CTNNA3: variants seen among roughly 807,000 people sequenced by gnomAD.
The protein encoded by CTNNA3 is catenin alpha-3.
Under a neutral mutation model 95.7 loss-of-function variants are expected in CTNNA3, and 76 were observed. That is an observed-to-expected ratio of 0.79 (90% CI 0.66 to 0.96). The LOEUF (loss-of-function observed/expected upper bound fraction) is 0.96, where lower values mean the gene tolerates loss of function less well. CTNNA3 is among the 40% of genes least tolerant of loss of function. CTNNA3 has a pLI of 0.00. For synonymous variants in CTNNA3, 431 were observed against 374.4 expected, an observed-to-expected ratio of 1.15 and a Z score of -1.74; for missense variants, 1,191 against 1,089.8, an observed-to-expected ratio of 1.09 and a Z score of -1.31.
intron 11 of CTNNA3, among the ~76,000 whole-genome samples, chr10:66,486,989 T>TA: frequency 6.6e-6 from 1 of 152,182 alleles, no homozygotes; most frequent in Non-Finnish European, 1.5e-5. Context: ...ACATGGAATC[T>TA]AAAAAAGTCT....
intron 7 of CTNNA3, among the ~76,000 whole-genome samples, chr10:67,107,639 A>C (rs1858713786): frequency 6.6e-6 from 1 of 152,252 alleles, no homozygotes. Flanking sequence ...AAGAGTAAAA[A>C]TAAAAATCAT....
chr10:65,920,956 G>C (rs573095622), intron 17 of CTNNA3, among the ~76,000 whole-genome samples: 1 of 152,286 alleles, frequency 6.6e-6, no homozygotes, highest in South Asian at 2.1e-4. Context: ...TATCTAGATG[G>C]ATAAGTGATT....
intron 7 of CTNNA3, among the ~76,000 whole-genome samples, chr10:67,127,621 A>G (rs1301856038): frequency 6.6e-6 from 1 of 152,208 alleles, no homozygotes; most frequent in African/African-American, 2.4e-5. Context: ...CATCTGAGTC[A>G]TAACATTGAG....
intron 7 of CTNNA3, among the ~76,000 whole-genome samples, chr10:66,925,232 T>C (rs1467478850): frequency 6.6e-6 from 1 of 152,198 alleles, no homozygotes; most frequent in Non-Finnish European, 1.5e-5. Context: ...GTCTGTTTCC[T>C]CATCTTTAAA....
chr10:66,706,895 T>C (rs559967851), intron 9 of CTNNA3, among the ~76,000 whole-genome samples: 2 of 152,072 alleles, frequency 1.3e-5, no homozygotes, highest in African/African-American at 4.8e-5. Context: ...GTGTGAAATT[T>C]GTAGGAAGGA....
At chr10:66,266,827 A>G (rs893671114) in intron 13 of CTNNA3, among the ~76,000 whole-genome samples, 2 of 152,166 alleles carry the variant, frequency 1.3e-5, no homozygotes, top group Admixed American at 1.3e-4. Context: ...TATTACCTGT[A>G]TCACTCTTCT....
intron 14 of CTNNA3, among the ~76,000 whole-genome samples, chr10:66,077,452 C>T (rs564441864): frequency 2.6e-4 from 39 of 151,890 alleles, no homozygotes; most frequent in Non-Finnish European, 4.0e-4. Flanking sequence ...CACCACTTTT[C>T]GGACTTTCCT....
intron 7 of CTNNA3, among the ~76,000 whole-genome samples, chr10:66,898,628 G>A (rs991532637): frequency 3.3e-5 from 5 of 152,138 alleles, no homozygotes; most frequent in African/African-American, 1.2e-4. Flanking sequence ...TGAGGAAACT[G>A]GATATCCACA....
intron 9 of CTNNA3, among the ~76,000 whole-genome samples, chr10:66,736,674 TA>T (rs1421565530): frequency 2.0e-5 from 3 of 151,992 alleles, no homozygotes; most frequent in Non-Finnish European, 4.4e-5. Context: ...TTATAGTTAT[TA>T]TTTCCTATTT....
intron 12 of CTNNA3, among the ~76,000 whole-genome samples, chr10:66,341,317 T>C (rs1471972223): frequency 6.6e-6 from 1 of 151,942 alleles, no homozygotes; most frequent in African/African-American, 2.4e-5. Context: ...CTCTTTGCCA[T>C]GCTGTAACTT....
chr10:67,617,269 T>C (rs940927499), intron 2 of CTNNA3, among the ~76,000 whole-genome samples: 1 of 152,164 alleles, frequency 6.6e-6, no homozygotes, highest in African/African-American at 2.4e-5. Context: ...CACCCTCTTA[T>C]AGGACCCAGT....
At chr10:67,679,965 C>A (rs773173811) in intron 1 of CTNNA3, among the ~76,000 whole-genome samples, 4 of 152,108 alleles carry the variant, frequency 2.6e-5, no homozygotes, top group Non-Finnish European at 5.9e-5. Flanking sequence ...CCTAAATGTG[C>A]ATTAATAAGG....
intron 7 of CTNNA3, among the ~76,000 whole-genome samples, chr10:66,998,154 C>A (rs185956128): frequency 1.3e-5 from 2 of 152,178 alleles, no homozygotes; most frequent in Non-Finnish European, 2.9e-5. Flanking sequence ...ATTCCTAACA[C>A]GGCATTTTAG....
At chr10:67,198,561 G>C (rs937309828) in intron 6 of CTNNA3, among the ~76,000 whole-genome samples, 8 of 152,102 alleles carry the variant, frequency 5.3e-5, no homozygotes, top group African/African-American at 1.4e-4. Flanking sequence ...AAAATGGAAA[G>C]GACAATCAAA....
chr10:66,174,378 A>G lies in CTNNA3; in HGVS notation c.1885-71129T>C, dbSNP rs186096182. Among the ~76,000 whole-genome samples, 67 of 152,220 alleles carry G rather than the reference A, an allele frequency of 4.4e-4. 2 individuals are homozygous for G. The East Asian group carries it at 0.013, about 29-fold the overall frequency. ...CAATATTATTGTGCATTTTTACATA[A>G]CTGAAAATTTTAAATATATACAATT... On this transcript the variant is annotated intron_variant, in intron 13 of 17. Transcript: ENST00000433211.
intron 11 of CTNNA3, among the ~76,000 whole-genome samples, chr10:66,400,065 A>G (rs1300825823): frequency 6.6e-6 from 1 of 152,070 alleles, no homozygotes; most frequent in African/African-American, 2.4e-5. Flanking sequence ...GTGTGCATAC[A>G]TACATATGCT....
At chr10:66,171,599 T>C (rs964063108) in intron 13 of CTNNA3, among the ~76,000 whole-genome samples, 10 of 151,904 alleles carry the variant, frequency 6.6e-5, no homozygotes, top group Admixed American at 6.6e-4. Context: ...GTGCACAATC[T>C]ATGGACCTTA....
chr10:66,388,181 G>A (rs2132520067), intron 11 of CTNNA3, among the ~76,000 whole-genome samples: 1 of 152,120 alleles, frequency 6.6e-6, no homozygotes, highest in African/African-American at 2.4e-5. Context: ...TGTATTCAAC[G>A]AATGTTTACT....
intron 16 of CTNNA3, among the ~76,000 whole-genome samples, chr10:65,977,481 A>C (rs1003276991): frequency 6.6e-6 from 1 of 152,118 alleles, no homozygotes; most frequent in African/African-American, 2.4e-5. Context: ...ACTTTAAGAA[A>C]TTTAAAATGA....
Sources: allele counts gnomAD v4.1 joint callset (sites outside exome capture counted in the v4.1 genomes callset), GRCh38; gene constraint gnomAD v4.1.1; transcripts MANE v1.5; gene names NCBI Gene and HGNC (gene_info 2026-07-23, HGNC 2026-07-21).